CUL2: variants seen among roughly 807,000 people sequenced by gnomAD.
The protein encoded by CUL2 is cullin 2.
In CUL2, 22 loss-of-function variants were observed where a neutral mutation model predicts 110.2. That is an observed-to-expected ratio of 0.20 (90% CI 0.14 to 0.28). The LOEUF (loss-of-function observed/expected upper bound fraction) is 0.28, where lower values mean the gene tolerates loss of function less well. CUL2 is among the 10% of genes least tolerant of loss of function. The probability of loss-of-function intolerance (pLI) is 1.00; values close to 1 mark genes in which losing one functional copy is unlikely to be tolerated. For synonymous variants in CUL2, 279 were observed against 293.2 expected, an observed-to-expected ratio of 0.95 and a Z score of 0.49; for missense variants, 631 against 905.5, an observed-to-expected ratio of 0.70 and a Z score of 3.89.
chr10:35,022,592 A>G (rs2085229925), intron 17 of CUL2, among the ~76,000 whole-genome samples: 2 of 152,218 alleles, frequency 1.3e-5, no homozygotes, highest in African/African-American at 4.8e-5. Context: ...TTCAATACAC[A>G]TAGCGTGTGA....
chr10:35,028,957 A>C, intron 15 of CUL2, 70 bp from the exon 16 acceptor site: 1 of 944,134 alleles, frequency 1.1e-6, no homozygotes, highest in Non-Finnish European at 1.6e-6. Flanking sequence ...AATATTTATT[A>C]AATAATCTAA....
At chr10:35,121,818 A>AAG (rs1195853708) in intron 1 of CUL2, among the ~76,000 whole-genome samples, 2 of 152,028 alleles carry the variant, frequency 1.3e-5, no homozygotes, top group East Asian at 3.9e-4. Flanking sequence ...TCAAAAAAAA[A>AAG]AAAAAAAATA....
At position 35,074,737 on chromosome 10, in the gene CUL2, T is replaced by C. The variant is rs147257983; in HGVS notation, c.-22-3398A>G. ...CTGAGGCTCAAGTGATCCGCCCGCCTTGGCCTCCCAAAGTGCTGGGATTAT... is the reference window on the plus strand; with the variant it reads ...CTGAGGCTCAAGTGATCCGCCCGCCCTGGCCTCCCAAAGTGCTGGGATTAT... On this transcript the variant is annotated intron_variant, in intron 1 of 20. Transcript: ENST00000374749. Among the ~76,000 whole-genome samples, 228 of 152,322 alleles carry C rather than the reference T, an allele frequency of 1.5e-3. 1 individual carries two copies. Among genetic ancestry groups the C allele is most frequent in the African/African-American group, 5.1e-3 (214 of 41,570 alleles).
In CUL2 at chr10:35,038,248, G is replaced by A. The variant is rs565522082; in HGVS notation, c.877+672C>T. Among the ~76,000 whole-genome samples, 565 of 151,498 alleles carry A rather than the reference G, an allele frequency of 3.7e-3. 5 individuals carry two copies. Among genetic ancestry groups the A allele is most frequent in the Non-Finnish European group, 3.4e-3 (233 of 67,864 alleles). Reference sequence around the variant, plus strand: ...TGTTTTTTTAAAAATCAGAGAGGCCGGGCGCAGTGGCTCACGCCTGTAATC... The same window carrying A: ...TGTTTTTTTAAAAATCAGAGAGGCCAGGCGCAGTGGCTCACGCCTGTAATC... On this transcript the variant is annotated intron_variant, in intron 9 of 20. Transcript: ENST00000374749.
chr10:35,013,794 T>A lies in CUL2; in HGVS notation c.1894A>T (p.Ile632Phe). ...MINHDSEKED[I>F]DAESSFSLNM... is the part of the protein sequence containing the mutation. The stretch of plus-strand genomic sequence containing the variant: ...AATGAAAACGAAGATTCTGCATCAA[T>A]ATCTTCCTACATTTAAAAATAAAAC... Residue 632 changes from isoleucine (I) to phenylalanine (F), a missense_variant, in exon 19 of 21, where the codon ATT (isoleucine) becomes TTT (phenylalanine). Physicochemically the swap from Ile to Phe is conservative, Grantham distance 21 (BLOSUM62 0). Around this residue, in one of 3 missense-constraint regions of CUL2, gnomAD observed 159 missense variants for 202.7 expected, o/e 0.78. Transcript: ENST00000374749. 1 of 1,492,090 alleles carries A rather than the reference T, an allele frequency of 6.7e-7. No individual in the cohort carries two copies. The highest frequency in any genetic ancestry group is 1.3e-5 in the South Asian group (1 of 74,488). The allele number at this position is 1,492,090 out of a possible 1,614,324, so 92.4% of individuals were successfully genotyped here.
chr10:35,019,717 T>C (rs903694584), intron 17 of CUL2, among the ~76,000 whole-genome samples: 1 of 152,160 alleles, frequency 6.6e-6, no homozygotes, highest in Admixed American at 6.5e-5. Context: ...CTCACAATAG[T>C]TTCATCCAAG....
At chr10:35,046,681 C>T (rs748092557) in intron 6 of CUL2, among the ~76,000 whole-genome samples, 2 of 152,016 alleles carry the variant, frequency 1.3e-5, no homozygotes, top group South Asian at 4.2e-4. Context: ...CATCTGAGGT[C>T]GGGAGTTAGA....
At chr10:35,086,314 C>T (rs1397712279) in intron 1 of CUL2, among the ~76,000 whole-genome samples, 1 of 151,790 alleles carries the variant, frequency 6.6e-6, no homozygotes, top group African/African-American at 2.4e-5. Flanking sequence ...CTGGGCAACA[C>T]AATGAAACTC....
upstream of CUL2, among the ~76,000 whole-genome samples, chr10:35,095,070 C>A (rs940737249): frequency 6.6e-6 from 1 of 152,070 alleles, no homozygotes; most frequent in African/African-American, 2.4e-5. Flanking sequence ...AATCCCAGCA[C>A]TTTGGGAGGC....
chr10:35,058,142 G>A (rs2086289914), intron 4 of CUL2, among the ~76,000 whole-genome samples: 1 of 152,090 alleles, frequency 6.6e-6, no homozygotes, highest in Non-Finnish European at 1.5e-5. Flanking sequence ...TATGATTCAT[G>A]GGAGAAGGTC....
At chr10:35,096,276 T>G (rs1430484330) in intron 2 of CUL2, among the ~76,000 whole-genome samples, 2 of 151,924 alleles carry the variant, frequency 1.3e-5, no homozygotes, top group Non-Finnish European at 2.9e-5. Context: ...ACAGCTATTT[T>G]GAGCTTACAA....
chr10:35,077,146 T>C (rs903429296), intron 1 of CUL2, among the ~76,000 whole-genome samples: 1 of 152,120 alleles, frequency 6.6e-6, no homozygotes, highest in African/African-American at 2.4e-5. Flanking sequence ...ATCCATACAA[T>C]AAATTATTAT....
At chr10:35,063,415 A>G (rs2086434719) in intron 2 of CUL2, among the ~76,000 whole-genome samples, 1 of 152,230 alleles carries the variant, frequency 6.6e-6, no homozygotes, top group South Asian at 2.1e-4. Flanking sequence ...TATCAATAGT[A>G]TCAATGATAT....
chr10:35,106,625 C>T (rs1461669230), intron 1 of CUL2, among the ~76,000 whole-genome samples: 1 of 152,024 alleles, frequency 6.6e-6, no homozygotes, highest in African/African-American at 2.4e-5. Flanking sequence ...AGCCACCACA[C>T]CGGGCCAAAT....
intron 2 of CUL2, among the ~76,000 whole-genome samples, chr10:35,065,337 G>A (rs1206355131): frequency 2.6e-5 from 4 of 152,098 alleles, no homozygotes; most frequent in East Asian, 1.9e-4. Context: ...TCAAGAGATC[G>A]AGGCCAGCCA....
chr10:35,124,770 G>T (rs902182510), intron 1 of CUL2, among the ~76,000 whole-genome samples: 1 of 152,190 alleles, frequency 6.6e-6, no homozygotes, highest in Admixed American at 6.5e-5. Context: ...ATATGGGAAA[G>T]AAATGACATC....
intron 17 of CUL2, among the ~76,000 whole-genome samples, chr10:35,019,995 T>C (rs1294108547): frequency 1.3e-5 from 2 of 152,174 alleles, no homozygotes; most frequent in Non-Finnish European, 2.9e-5. Flanking sequence ...TGACCAAATT[T>C]AGCATCTCTA....
At chr10:35,020,784 T>C (rs1284716082) in intron 17 of CUL2, among the ~76,000 whole-genome samples, 1 of 152,168 alleles carries the variant, frequency 6.6e-6, no homozygotes, top group African/African-American at 2.4e-5. Context: ...CTGTTCCTTA[T>C]CGTTAATTCT....
upstream of CUL2, among the ~76,000 whole-genome samples, chr10:35,095,553 G>T (rs532536952): frequency 4.6e-5 from 7 of 151,664 alleles, no homozygotes; most frequent in Non-Finnish European, 8.8e-5. Flanking sequence ...TAATTATTTT[G>T]TGTGTGTGTG....
Sources: gnomAD v4.1 joint callset for allele counts (sites outside exome capture counted in the v4.1 genomes callset) on GRCh38, gnomAD v4.1.1 for gene constraint, gnomAD v4.1.1 regional missense constraint, MANE v1.5 for transcripts, NCBI Gene and HGNC (gene_info 2026-07-23, HGNC 2026-07-21) for gene names.